MYH10: variants seen among roughly 807,000 people sequenced by gnomAD.
MYH10 encodes myosin heavy chain 10.
MYH10 carries 55 observed loss-of-function variants against 257.8 expected under a neutral mutation model. The ratio of observed to expected loss-of-function variants is 0.21; its 90% confidence interval spans 0.17 to 0.27. The LOEUF (loss-of-function observed/expected upper bound fraction) is 0.27, where lower values mean the gene tolerates loss of function less well. Among genes scored for constraint, MYH10 ranks in the 10% least tolerant of loss-of-function variants. The probability of loss-of-function intolerance (pLI) is 1.00; values close to 1 mark genes in which losing one functional copy is unlikely to be tolerated. For missense variants in MYH10, 1,631 were observed against 2,500.6 expected (o/e 0.65, Z 7.42); for synonymous variants, 854 against 921.7 (o/e 0.93, Z 1.33).
chr17:8,541,867 T>C (rs1460267613), intron 14 of MYH10, among the ~76,000 whole-genome samples: 2 of 152,162 alleles, frequency 1.3e-5, no homozygotes, highest in African/African-American at 4.8e-5. Flanking sequence ...CTATCCAGTA[T>C]TCCCATGCAA....
intron 2 of MYH10, among the ~76,000 whole-genome samples, chr17:8,615,556 T>C (rs145807929): frequency 1.1e-4 from 17 of 152,162 alleles, no homozygotes; most frequent in African/African-American, 3.6e-4. Flanking sequence ...AACAAAATAC[T>C]AGCAAACAGA....
intron 2 of MYH10, among the ~76,000 whole-genome samples, chr17:8,609,138 G>A (rs751513963): frequency 6.6e-6 from 1 of 152,192 alleles, no homozygotes; most frequent in Non-Finnish European, 1.5e-5. Context: ...GCCTGGAAGT[G>A]CCCGGCCTCT....
At chr17:8,602,944 T>C (rs763615188) in intron 3 of MYH10, among the ~76,000 whole-genome samples, 1 of 152,204 alleles carries the variant, frequency 6.6e-6, no homozygotes. Flanking sequence ...AAAATGATAT[T>C]AATAATATGA....
In MYH10 at chr17:8,493,130, C is replaced by T. The variant is rs538616135; in HGVS notation, c.4210-106G>A. 3.4e-3 allele frequency: 4,437 copies of T among 1,299,424 alleles called. 9 individuals carry two copies. Among genetic ancestry groups the T allele is most frequent in the Non-Finnish European group, 4.3e-3 (4,053 of 952,106 alleles). The allele number at this position is 1,299,424 out of a possible 1,614,324, so 80.5% of individuals were successfully genotyped here. ...ATCCCAGCACTTTGGGAGGCCGAGG[C>T]GGCAGGATCACTTGAGGTCAGGAGT... is the stretch of plus-strand genomic sequence containing the variant. On this transcript the variant is annotated intron_variant, in intron 32 of 42. Coordinates refer to ENST00000360416, the MANE Select transcript of MYH10 (RefSeq NM_001256012.3).
At chr17:8,514,046 C>T in intron 21 of MYH10, 152 bp from the exon 22 acceptor site, 8 of 729,596 alleles carry the variant, frequency 1.1e-5, no homozygotes, top group Admixed American at 5.5e-5. Context: ...CACAAGGAAG[C>T]CGTTCTGGCC....
At chr17:8,557,663 G>C (rs1035013353) in intron 7 of MYH10, among the ~76,000 whole-genome samples, 1 of 152,142 alleles carries the variant, frequency 6.6e-6, no homozygotes, top group African/African-American at 2.4e-5. Context: ...ACTAAACCAC[G>C]GAGTGTTCAA....
intron 3 of MYH10, among the ~76,000 whole-genome samples, chr17:8,598,316 G>A (rs2084463390): frequency 6.6e-6 from 1 of 152,100 alleles, no homozygotes; most frequent in Non-Finnish European, 1.5e-5. Flanking sequence ...TATACTCTTT[G>A]TCATTTCTGG....
intron 6 of MYH10, among the ~76,000 whole-genome samples, chr17:8,574,211 T>C (rs543251129): frequency 6.6e-6 from 1 of 152,328 alleles, no homozygotes; most frequent in East Asian, 1.9e-4. Context: ...TAAAAAGGAA[T>C]GAAGTACTTA....
intron 26 of MYH10, 92 bp downstream of exon 26, chr17:8,508,462 T>C (rs759137253): frequency 6.5e-7 from 1 of 1,530,020 alleles, no homozygotes; most frequent in Non-Finnish European, 8.9e-7. Context: ...GTAATCATCA[T>C]GTATATTTTT....
intron 16 of MYH10, among the ~76,000 whole-genome samples, chr17:8,531,644 G>A (rs1440685058): frequency 6.6e-6 from 1 of 150,484 alleles, no homozygotes; most frequent in African/African-American, 2.4e-5. Flanking sequence ...TTCTGCCTCA[G>A]CCTCCCAAAC....
chr17:8,573,425 C>T (rs7208821), intron 6 of MYH10, among the ~76,000 whole-genome samples: 4,945 of 152,220 alleles, frequency 0.032, 126 homozygotes, highest in East Asian at 0.18. Context: ...CAGTTTAAAC[C>T]AGGTTGGAGA....
intron 24 of MYH10, among the ~76,000 whole-genome samples, chr17:8,511,392 C>T (rs1385419981): frequency 6.6e-6 from 1 of 152,040 alleles, no homozygotes; most frequent in South Asian, 2.1e-4. Flanking sequence ...TGGTAGCAGG[C>T]GCCTGTAATC....
chr17:8,538,363 G>A (rs1261277325), intron 14 of MYH10, among the ~76,000 whole-genome samples: 7 of 152,046 alleles, frequency 4.6e-5, no homozygotes, highest in African/African-American at 1.2e-4. Context: ...CCGCCACGAC[G>A]CCTGGCTAAT....
intron 5 of MYH10, 112 bp downstream of exon 5, chr17:8,577,124 A>G (rs945466632): frequency 1.4e-6 from 1 of 723,402 alleles, no homozygotes; most frequent in Non-Finnish European, 2.2e-6. Flanking sequence ...GCAGGTGGAG[A>G]CAAGGGAGCT....
chr17:8,525,222 C>A (rs1479116976), intron 17 of MYH10, among the ~76,000 whole-genome samples: 1 of 152,222 alleles, frequency 6.6e-6, no homozygotes, highest in Non-Finnish European at 1.5e-5. Context: ...TCAGGGAACC[C>A]TTCTTATGCT....
rs768317136 is a variant in MYH10 at position 8,487,551 on chromosome 17, C to T, written c.4928G>A (p.Arg1643Gln). Residue 1643 changes from arginine to glutamine, a missense_variant, in exon 36 of 43, where the codon CGG becomes CAG. Physicochemically the swap from Arg to Gln is conservative, Grantham distance 43 (BLOSUM62 1). Around this residue, in one of 11 missense-constraint regions of MYH10, gnomAD observed 463 missense variants for 621.8 expected, o/e 0.74. Coordinates refer to ENST00000360416, the MANE Select transcript of MYH10 (RefSeq NM_001256012.3). ...TTTCTTTGAAGCTACAGCAAGCGCCCGCTGTTTCCTCTCATCCTCCAGCTC... is the reference window on the plus strand; with the variant it reads ...TTTCTTTGAAGCTACAGCAAGCGCCTGCTGTTTCCTCTCATCCTCCAGCTC... ...EAELEDERKQ[R>Q]ALAVASKKKM... 3.7e-6 allele frequency: 6 copies of T among 1,614,170 alleles called. No homozygotes were observed. Among genetic ancestry groups the T allele is most frequent in the East Asian group, 2.2e-5 (1 of 44,878 alleles).
intron 41 of MYH10, 115 bp downstream of exon 41, chr17:8,478,223 G>T: frequency 2.2e-6 from 2 of 894,440 alleles, no homozygotes; most frequent in Non-Finnish European, 3.5e-6. Flanking sequence ...GCCCACGTTA[G>T]CTGAAACATC....
rs753779988 is a variant in MYH10, at chr17:8,493,807, G to A, written c.4135C>T (p.Leu1379Phe). The A allele has an allele frequency of 3.7e-6, 6 of 1,613,914 alleles. No homozygotes were observed. In the South Asian group the frequency reaches 4.4e-5, roughly 12 times the overall value. ...TCCTCCTCCTCCTGCTGCTCCTGAA[G>A]ACTGTTCTTCTCCTCTTCCAGCTGC... ...IRQLEEEKNS[L>F]QEQQEEEEEA... The change falls in exon 32 of 43, where the codon CTT becomes TTT. Residue 1379 changes from leucine to phenylalanine, a missense_variant. Leu to Phe is a conservative substitution (Grantham distance 22). This residue lies in a region of MYH10 where 463 missense variants were observed against 621.8 expected (regional missense o/e 0.74). Coordinates refer to ENST00000360416, the MANE Select transcript of MYH10 (RefSeq NM_001256012.3).
chr17:8,605,575 C>T (rs1052477587), intron 2 of MYH10, among the ~76,000 whole-genome samples: 3 of 151,998 alleles, frequency 2.0e-5, no homozygotes, highest in African/African-American at 7.3e-5. Context: ...GAAACCCTGT[C>T]TCTACTAAAA....
Sources: allele counts gnomAD v4.1 joint callset (sites outside exome capture counted in the v4.1 genomes callset), GRCh38; gene constraint gnomAD v4.1.1; regional missense constraint gnomAD v4.1.1; transcripts MANE v1.5; gene names NCBI Gene and HGNC (gene_info 2026-07-23, HGNC 2026-07-21).